Variants in MLEC observed in about 807,000 individuals in gnomAD.
MLEC encodes the protein malectin.
MLEC carries 7 observed loss-of-function variants against 28.7 expected under a neutral mutation model. That is an observed-to-expected ratio of 0.24 (90% CI 0.14 to 0.46). The LOEUF is 0.46. MLEC is among the 20% of genes least tolerant of loss of function. The probability of loss-of-function intolerance (pLI) is 0.99; values close to 1 mark genes in which losing one functional copy is unlikely to be tolerated. For missense variants in MLEC, 237 were observed against 391.1 expected (o/e 0.61, Z 3.32); for synonymous variants, 142 against 164.4 (o/e 0.86, Z 1.04).
chr12:120,696,191 C>A lies in MLEC; in HGVS notation c.650-125C>A. Reference sequence around the variant, plus strand: ...AGACCAGAGGCTATTTCTGCTACTTCTGGTCTTTTCTCTGGACCCGGGTTC... The same window carrying A: ...AGACCAGAGGCTATTTCTGCTACTTATGGTCTTTTCTCTGGACCCGGGTTC... On this transcript the variant is annotated intron_variant, in intron 4 of 4. Transcript: ENST00000228506. This position sits in a 1 kb window ranked among gnomAD's most constrained non-coding sequence, Gnocchi z 5.4. The A allele has an allele frequency of 3.3e-6, 4 of 1,211,562 alleles. No homozygotes were observed. Among genetic ancestry groups the A allele is most frequent in the Non-Finnish European group, 3.5e-6 (3 of 859,524 alleles). 75.1% of individuals were successfully genotyped at this position (1,211,562 alleles called of 1,614,324 possible). A position where few individuals can be genotyped will look rare whatever the true frequency, so the allele number is the denominator to read the frequency against.
At chr12:120,695,749 C>T (rs746191923) in intron 4 of MLEC, among the ~76,000 whole-genome samples, 67 of 152,344 alleles carry the variant, frequency 4.4e-4, no homozygotes, top group Middle Eastern at 3.4e-3. Context: ...CACCTCTGTA[C>T]CTTTCCCCAA....
chr12:120,695,684 C>T (rs1292858300), intron 4 of MLEC, among the ~76,000 whole-genome samples: 1 of 152,258 alleles, frequency 6.6e-6, no homozygotes, highest in Non-Finnish European at 1.5e-5. Context: ...CTGCCAGCAT[C>T]TCAGGCTGAT....
chr12:120,696,295 G>A lies in MLEC; in HGVS notation c.650-21G>A. 1.2e-6 allele frequency: 2 copies of A among 1,613,296 alleles called. No homozygotes were observed. The highest frequency in any genetic ancestry group is 1.7e-6 in the Non-Finnish European group (2 of 1,179,734). ...TACTTAAATGCTGTGGGTCTTAACA[G>A]TGTTTTCTTCCTTGTGTTAGATGTA... On this transcript the variant is annotated intron_variant, in intron 4 of 4. Transcript: ENST00000228506. This position sits in a 1 kb window ranked among gnomAD's most constrained non-coding sequence, Gnocchi z 5.4.
Position 120,696,280 on chromosome 12 carries a change from C to T in MLEC, c.650-36C>T. On this transcript the variant is annotated intron_variant, in intron 4 of 4. Coordinates refer to ENST00000228506, the MANE Select transcript of MLEC (RefSeq NM_014730.4). The surrounding 1 kb of genome is among the most constrained non-coding windows in gnomAD (Gnocchi z 5.4). Reference sequence around the variant, plus strand: ...TTTAAGGGTCTCTCTTACTTAAATGCTGTGGGTCTTAACAGTGTTTTCTTC... The same window carrying T: ...TTTAAGGGTCTCTCTTACTTAAATGTTGTGGGTCTTAACAGTGTTTTCTTC... The T allele has an allele frequency of 6.2e-7, 1 of 1,609,298 alleles. No individual in the cohort carries two copies. The highest frequency in any genetic ancestry group is 8.5e-7 in the Non-Finnish European group (1 of 1,177,710).
At chr12:120,695,050 T>C (rs1318343971) in intron 3 of MLEC, 45 bp from the exon 4 acceptor site, 1 of 1,614,002 alleles carries the variant, frequency 6.2e-7, no homozygotes, top group South Asian at 1.1e-5. Context: ...ACAGGGGAAG[T>C]TGTTTGCTGC....
Position 120,694,925 on chromosome 12 carries a change from C to G in MLEC, c.516C>G (p.Ser172Arg), listed in dbSNP as rs1264171283. 1.8e-5 allele frequency: 29 copies of G among 1,614,108 alleles called. No individual in the cohort carries two copies. The East Asian group carries it at 6.5e-4, about 36-fold the overall frequency. Residue 172 changes from serine (S) to arginine (R), a missense_variant, in exon 3 of 5, where the codon AGC (serine) becomes AGG (arginine). Coordinates refer to ENST00000228506, the MANE Select transcript of MLEC (RefSeq NM_014730.4). This position sits in a 1 kb window ranked among gnomAD's most constrained non-coding sequence, Gnocchi z 4.5. ...STAHDEIIPM[S>R]IRKGKLSVQG... The stretch of plus-strand genomic sequence containing the variant: ...CTCACGATGAAATTATACCTATGAG[C>G]ATCAGAAAGGGGAAGCTGAGTGTCC...
Position 120,696,218 on chromosome 12 carries a change from A to G in MLEC, c.650-98A>G, listed in dbSNP as rs1882224445. ...GGTCTTTTCTCTGGACCCGGGTTCA[A>G]TCACAGCAATCTCTTTATTGTGGCT... On this transcript the variant is annotated intron_variant, in intron 4 of 4. Transcript: ENST00000228506. The surrounding 1 kb of genome is among the most constrained non-coding windows in gnomAD (Gnocchi z 5.4). The G allele has an allele frequency of 1.2e-5, 18 of 1,491,004 alleles. No homozygotes were observed. In the South Asian group the frequency reaches 1.3e-4, roughly 11 times the overall value. The allele number at this position is 1,491,004 out of a possible 1,614,324, so 92.4% of individuals were successfully genotyped here.
rs1350237726 is a variant in MLEC at position 120,700,977 on chromosome 12, TG to T, written c.*4435del. 2 of 152,264 alleles carry T rather than the reference TG, an allele frequency of 1.3e-5. No homozygotes were observed. The highest frequency in any genetic ancestry group is 4.8e-5 in the African/African-American group (2 of 41,446). 9.4% of individuals were successfully genotyped at this position (152,264 alleles called of 1,614,324 possible). On this transcript the variant is annotated 3_prime_UTR_variant, in exon 5 of 5. Coordinates refer to ENST00000228506, the MANE Select transcript of MLEC (RefSeq NM_014730.4). This position sits in a 1 kb window ranked among gnomAD's most constrained non-coding sequence, Gnocchi z 4.0. ...CAGGAAAAGAGCAGGATGGATCTCT[TG>T]GGACAGGTTCCCCCAGGAGTATAAA... is the stretch of plus-strand genomic sequence containing the variant.
intron 1 of MLEC, among the ~76,000 whole-genome samples, chr12:120,691,667 G>T (rs1406368435): frequency 6.6e-6 from 1 of 152,236 alleles, no homozygotes; most frequent in Non-Finnish European, 1.5e-5. Context: ...GCATCTCTTG[G>T]GACTTGGGCA....
Position 120,696,835 on chromosome 12 carries a change from C to T in MLEC, c.*290C>T, listed in dbSNP as rs1053438153. The stretch of plus-strand genomic sequence containing the variant: ...TGGATCCTTCCTGCTCAAGGATCCT[C>T]ATTTGTATACCTAGTGGAAAGGACT... On this transcript the variant is annotated 3_prime_UTR_variant, in exon 5 of 5. Transcript: ENST00000228506. This position sits in a 1 kb window ranked among gnomAD's most constrained non-coding sequence, Gnocchi z 5.4. 3 of 420,518 alleles carry T rather than the reference C, an allele frequency of 7.1e-6. No individual in the cohort carries two copies. The highest frequency in any genetic ancestry group is 2.0e-5 in the African/African-American group (1 of 49,544). 26.0% of individuals were successfully genotyped at this position (420,518 alleles called of 1,614,324 possible).
At chr12:120,690,495 G>A (rs940186967) in intron 1 of MLEC, among the ~76,000 whole-genome samples, 2 of 152,102 alleles carry the variant, frequency 1.3e-5, no homozygotes, top group Non-Finnish European at 2.9e-5. Context: ...TCTGAGCCTT[G>A]TTTTCCTTTT....
At chr12:120,689,749 AT>A (rs1239792955) in intron 1 of MLEC, among the ~76,000 whole-genome samples, 1 of 152,286 alleles carries the variant, frequency 6.6e-6, no homozygotes, top group Admixed American at 6.5e-5. Flanking sequence ...ATTTACACTG[AT>A]TGCAGTAGGA....
Position 120,687,759 on chromosome 12 carries a change from G to C in MLEC, c.235+228G>C, listed in dbSNP as rs913624741. On this transcript the variant is annotated intron_variant, in intron 1 of 4. Transcript: ENST00000228506. This position sits in a 1 kb window ranked among gnomAD's most constrained non-coding sequence, Gnocchi z 8.1. ...GTTGGCCAGAAGTTAGTTATATTTG[G>C]ATTTCTCATCCTGCATTTTCTCAAC... Among the ~76,000 whole-genome samples, 3 of 152,184 alleles carry C rather than the reference G, an allele frequency of 2.0e-5. No individual in the cohort carries two copies. Among genetic ancestry groups the C allele is most frequent in the Non-Finnish European group, 4.4e-5 (3 of 68,024 alleles).
chr12:120,687,574 T>C lies in MLEC; in HGVS notation c.235+43T>C. ...GAGCCGCGGGATCCAGGGCCTGCTG[T>C]GCTGGGCGCAGCCGGCCGGGGGCTG... On this transcript the variant is annotated intron_variant, in intron 1 of 4. Transcript: ENST00000228506. This position sits in a 1 kb window ranked among gnomAD's most constrained non-coding sequence, Gnocchi z 8.1. 7.1e-7 allele frequency: 1 copy of C among 1,411,810 alleles called. No homozygotes were observed. Among genetic ancestry groups the C allele is most frequent in the Non-Finnish European group, 9.4e-7 (1 of 1,067,488 alleles). The allele number at this position is 1,411,810 out of a possible 1,614,324, so 87.5% of individuals were successfully genotyped here. A position where few individuals can be genotyped will look rare whatever the true frequency, so the allele number is the denominator to read the frequency against.
chr12:120,693,722 GCCCTCC>G (rs1268644641), intron 1 of MLEC, among the ~76,000 whole-genome samples: 3 of 152,196 alleles, frequency 2.0e-5, no homozygotes, highest in African/African-American at 7.2e-5. Flanking sequence ...TTTCTCTGAA[GCCCTCC>G]CTCTTGGGGA....
Position 120,695,079 on chromosome 12 carries a change from G to T in MLEC, c.592-16G>T. 1 of 1,614,168 alleles carries T rather than the reference G, an allele frequency of 6.2e-7. No individual in the cohort carries two copies. The highest frequency in any genetic ancestry group is 8.5e-7 in the Non-Finnish European group (1 of 1,180,028). On this transcript the variant is annotated splice_polypyrimidine_tract_variant and intron_variant, in intron 3 of 4. Coordinates refer to ENST00000228506, the MANE Select transcript of MLEC (RefSeq NM_014730.4). ...TTGCTGCTGTGTGGGGTTGACCACT[G>T]TTTCCCTTTTCCTAGGGGTACTATG... is the stretch of plus-strand genomic sequence containing the variant.
At chr12:120,693,060 GT>G (rs1194385499) in intron 1 of MLEC, among the ~76,000 whole-genome samples, 1 of 152,210 alleles carries the variant, frequency 6.6e-6, no homozygotes, top group Non-Finnish European at 1.5e-5. Flanking sequence ...ATATACAACT[GT>G]CTTACACCAA....
chr12:120,696,299 T>C lies in MLEC; in HGVS notation c.650-17T>C, dbSNP rs1882228627. On this transcript the variant is annotated splice_polypyrimidine_tract_variant and intron_variant, in intron 4 of 4. Transcript: ENST00000228506. The surrounding 1 kb of genome is among the most constrained non-coding windows in gnomAD (Gnocchi z 5.4). The stretch of plus-strand genomic sequence containing the variant: ...TAAATGCTGTGGGTCTTAACAGTGT[T>C]TTCTTCCTTGTGTTAGATGTACCAA... 1 of 1,613,478 alleles carries C rather than the reference T, an allele frequency of 6.2e-7. No individual in the cohort carries two copies. Among genetic ancestry groups the C allele is most frequent in the Non-Finnish European group, 8.5e-7 (1 of 1,179,876 alleles).
At position 120,692,224 on chromosome 12, in the gene MLEC, C is replaced by T. The variant is rs150775546; in HGVS notation, c.236-1867C>T. On this transcript the variant is annotated intron_variant, in intron 1 of 4. Transcript: ENST00000228506. ...CCATGCACAAAATTTTCTGTGTATC[C>T]GTAAATCAAATGTAGTCGATGTTCC... 2.2e-4 allele frequency among the ~76,000 whole-genome samples: 34 copies of T among 152,260 alleles called. No individual in the cohort carries two copies. In the East Asian group the frequency reaches 5.8e-3, roughly 26 times the overall value.
Sources: allele counts gnomAD v4.1 joint callset (sites outside exome capture counted in the v4.1 genomes callset), GRCh38; gene constraint gnomAD v4.1.1; non-coding constraint Gnocchi (gnomAD v3.1); transcripts MANE v1.5; gene names NCBI Gene and HGNC (gene_info 2026-07-23, HGNC 2026-07-21).